The following ADGRV1 variants were observed in gnomAD, a reference collection of about 807,000 sequenced individuals.
ADGRV1 encodes G-protein coupled receptor 98.
Under a neutral mutation model 596.2 loss-of-function variants are expected in ADGRV1, and 359 were observed. The ratio of observed to expected loss-of-function variants is 0.60; its 90% CI spans 0.55 to 0.66. ADGRV1 has a LOEUF of 0.66. Among genes scored for constraint, ADGRV1 ranks in the 30% least tolerant of loss-of-function variants. The pLI, the probability that ADGRV1 is intolerant of heterozygous loss-of-function variation, is 0.00. For missense variants in ADGRV1, 7,274 were observed against 7,575.6 expected, an observed-to-expected ratio of 0.96 and a Z score of 1.48; for synonymous variants, 2,681 against 2,679.2, an observed-to-expected ratio of 1.00 and a Z score of -0.02.
intron 58 of ADGRV1, chr5:90,762,530 T>G (rs535296128): frequency 6.6e-6 from 1 of 152,300 alleles, no homozygotes; most frequent in South Asian, 2.1e-4. Context: ...GTATAGCGGA[T>G]GGATGATATA....
rs369341309 is a variant in ADGRV1, at chr5:90,692,783, G to A, written c.7130G>A (p.Arg2377Gln). Residue 2377 changes from arginine (R) to glutamine (Q), a missense_variant, in exon 32 of 90, where the codon CGA becomes CAA. Around this residue, in one of 5 missense-constraint regions of ADGRV1, gnomAD observed 3,643 missense variants for 3,809.2 expected, o/e 0.96. Transcript: ENST00000405460. ...TCCTGTGCTAATATAACTGTCAGGC[G>A]AAGGTATATGAGATAGCTACTTGCC... ...RSSCANITVR[R>Q]SGGHFGRLLL... 5.0e-6 allele frequency: 8 copies of A among 1,588,404 alleles called. No homozygotes were observed. Among genetic ancestry groups the A allele is most frequent in the African/African-American group, 1.3e-5 (1 of 74,278 alleles).
chr5:90,619,900 C>T (rs377302056), intron 4 of ADGRV1, among the ~76,000 whole-genome samples: 3 of 151,882 alleles, frequency 2.0e-5, no homozygotes, highest in Non-Finnish European at 4.4e-5. Context: ...TGGTTTCCAG[C>T]TTCATCCATG....
intron 88 of ADGRV1, among the ~76,000 whole-genome samples, chr5:91,151,641 T>TG (rs1245520655): frequency 6.6e-6 from 1 of 152,228 alleles, no homozygotes; most frequent in Non-Finnish European, 1.5e-5. Context: ...GTCCAGCATT[T>TG]GTTTACATCT....
chr5:90,663,568 T>C (rs1002514146), intron 21 of ADGRV1, among the ~76,000 whole-genome samples: 1 of 152,176 alleles, frequency 6.6e-6, no homozygotes, highest in African/African-American at 2.4e-5. Flanking sequence ...AGGTTGCCTG[T>C]TCACTCTGAT....
chr5:91,121,618 C>T (rs943029059), intron 87 of ADGRV1, among the ~76,000 whole-genome samples: 2 of 152,142 alleles, frequency 1.3e-5, no homozygotes, highest in African/African-American at 4.8e-5. Flanking sequence ...TTCAGAACCA[C>T]AGCATTGGAG....
chr5:90,767,311 C>T (rs1561689103), intron 59 of ADGRV1, among the ~76,000 whole-genome samples: 1 of 152,066 alleles, frequency 6.6e-6, no homozygotes, highest in Admixed American at 6.5e-5. Flanking sequence ...AAACAGCTTT[C>T]TTAATACCTA....
At chr5:90,776,378 T>G in intron 60 of ADGRV1, 75 bp from the exon 61 acceptor site, 27 of 1,405,540 alleles carry the variant, frequency 1.9e-5, no homozygotes, top group Non-Finnish European at 2.6e-5. Context: ...TGTAAAGTGC[T>G]TAGAAAGTTT....
intron 2 of ADGRV1, 119 bp from the exon 3 acceptor site, chr5:90,617,685 T>C (rs1014453550): frequency 5.1e-6 from 4 of 781,980 alleles, no homozygotes; most frequent in Non-Finnish European, 7.9e-6. Context: ...GTACACCCTA[T>C]CTATAAACAT....
At chr5:91,040,749 T>C (rs1468501909) in intron 85 of ADGRV1, among the ~76,000 whole-genome samples, 1 of 152,174 alleles carries the variant, frequency 6.6e-6, no homozygotes, top group African/African-American at 2.4e-5. Context: ...ATTATCTCCA[T>C]CTATTATCAA....
rs1746360449 is a variant in ADGRV1 at position 90,690,726 on chromosome 5, T to C, written c.6707-71T>C. 4.2e-6 allele frequency: 6 copies of C among 1,431,192 alleles called. No homozygotes were observed. The Admixed American group carries it at 5.9e-5, about 14-fold the overall frequency. The allele number at this position is 1,431,192 out of a possible 1,614,324, so 88.7% of individuals were successfully genotyped here. On this transcript the variant is annotated intron_variant, in intron 30 of 89. Transcript: ENST00000405460. ...GGGGGGAAGAGAATCCACTATAGGA[T>C]GGTGCTTGGTTAACTGTTATCTCTG...
chr5:90,703,507 T>C (rs746603416), intron 34 of ADGRV1, among the ~76,000 whole-genome samples, 158 bp from the exon 35 acceptor site: 3 of 152,132 alleles, frequency 2.0e-5, no homozygotes, highest in Non-Finnish European at 4.4e-5. Flanking sequence ...ACAATAAGCA[T>C]GTATAAAGAT....
intron 85 of ADGRV1, among the ~76,000 whole-genome samples, chr5:91,046,306 G>A (rs886294466): frequency 6.6e-6 from 1 of 152,064 alleles, no homozygotes; most frequent in African/African-American, 2.4e-5. Context: ...CATGATACTG[G>A]TATAAAAATA....
At chr5:91,030,870 A>G (rs1187185155) in intron 85 of ADGRV1, 1 of 452,766 alleles carries the variant, frequency 2.2e-6, no homozygotes, top group Non-Finnish European at 3.9e-6. Flanking sequence ...ATGTTTTTGA[A>G]AAGCCTCTGC....
At chr5:90,729,827 T>A in intron 50 of ADGRV1, 63 bp downstream of exon 50, 1 of 1,528,094 alleles carries the variant, frequency 6.5e-7, no homozygotes, top group Non-Finnish European at 9.0e-7. Flanking sequence ...ATGATTTTAA[T>A]CTCATTGATT....
chr5:90,654,787 A>G (rs1395650098), intron 20 of ADGRV1: 5 of 152,092 alleles, frequency 3.3e-5, no homozygotes, highest in Non-Finnish European at 7.4e-5. Flanking sequence ...GCACGTATCT[A>G]CCAATTTCAA....
At chr5:90,789,914 C>A in intron 69 of ADGRV1, 63 bp downstream of exon 69, 1 of 1,155,294 alleles carries the variant, frequency 8.7e-7, no homozygotes, top group Non-Finnish European at 1.1e-6. Context: ...TTAAGAGGGA[C>A]AGGGAAACTG....
chr5:90,711,326 G>T lies in ADGRV1; in HGVS notation c.9042+4G>T. 6.3e-7 allele frequency: 1 copy of T among 1,583,084 alleles called. No individual in the cohort carries two copies. Among genetic ancestry groups the T allele is most frequent in the Non-Finnish European group, 8.6e-7 (1 of 1,166,658 alleles). On this transcript the variant is annotated splice_donor_region_variant and intron_variant, in intron 41 of 89. Coordinates refer to ENST00000405460, the MANE Select transcript of ADGRV1 (RefSeq NM_032119.4). ...GGATTATATCTTCACCCCAATGGTGGGTCTCAAAATCTATCACAGATGACT... is the reference window on the plus strand; with the variant it reads ...GGATTATATCTTCACCCCAATGGTGTGTCTCAAAATCTATCACAGATGACT...
In ADGRV1 at chr5:90,778,735, A is replaced by G. The variant is rs1162798556; in HGVS notation, c.12849+126A>G. 1.6e-5 allele frequency: 16 copies of G among 1,032,062 alleles called. No homozygotes were observed. The Admixed American group carries it at 3.6e-4, about 24-fold the overall frequency. The allele number at this position is 1,032,062 out of a possible 1,614,324, so 63.9% of individuals were successfully genotyped here. ...GCTCCAAACATCATTATTTTAACAT[A>G]TAATCTATATAATTTTATAACCTTA... On this transcript the variant is annotated intron_variant, in intron 63 of 89. Coordinates refer to ENST00000405460, the MANE Select transcript of ADGRV1 (RefSeq NM_032119.4).
chr5:90,975,077 G>T (rs1779434970), intron 84 of ADGRV1, among the ~76,000 whole-genome samples: 1 of 152,064 alleles, frequency 6.6e-6, no homozygotes, highest in African/African-American at 2.4e-5. Flanking sequence ...AGACATTTAT[G>T]CAGCCAACAG....
Sources: gnomAD v4.1 joint callset for allele counts (sites outside exome capture counted in the v4.1 genomes callset) on GRCh38, gnomAD v4.1.1 for gene constraint, gnomAD v4.1.1 regional missense constraint, MANE v1.5 for transcripts, NCBI Gene and HGNC (gene_info 2026-07-23, HGNC 2026-07-21) for gene names.